The following CCL23 variants were observed in gnomAD, a reference collection of about 807,000 sequenced individuals.
CCL23 encodes the protein C-C motif chemokine ligand 23.
A neutral mutation model predicts 11.8 loss-of-function variants in CCL23; 10 were observed. The ratio of observed to expected loss-of-function variants is 0.84; its 90% CI spans 0.52 to 1.43. The LOEUF (loss-of-function observed/expected upper bound fraction) is 1.43. Ranked by LOEUF, CCL23 falls within the 40% of genes most tolerant of loss-of-function variation. CCL23 has a pLI of 0.00. For synonymous variants in CCL23, 60 were observed against 61.0 expected, an observed-to-expected ratio of 0.98 and a Z score of 0.07; for missense variants, 181 against 170.9, an observed-to-expected ratio of 1.06 and a Z score of -0.33.
chr17:36,015,856 T>G (rs978931887), intron 1 of CCL23, among the ~76,000 whole-genome samples: 3 of 151,564 alleles, frequency 2.0e-5, no homozygotes, highest in Admixed American at 2.0e-4. Context: ...GGCCAACATG[T>G]TGAAATCCCG....
chr17:36,013,734 TGGCACCTACATGACACCC>T lies in CCL23; in HGVS notation c.294_302+9del. The T allele has an allele frequency of 1.2e-6, 2 of 1,613,952 alleles. No homozygotes were observed. The highest frequency in any genetic ancestry group is 1.7e-6 in the Non-Finnish European group (2 of 1,179,926). ...TCCCTCAACACATGTTTGGTGAGCT[TGGCACCTACATGACACCC>T]GGCTTGGAGCACTCGCTGTTCGTTT... On this transcript the variant is annotated splice_donor_variant and splice_donor_5th_base_variant and coding_sequence_variant and intron_variant, in exon 3 of 4. Transcript: ENST00000615050. LOFTEE classifies it high-confidence loss of function.
chr17:36,014,182 CCCATAGCCCG>C lies in CCL23; in HGVS notation c.136+142_136+151del. ...AGAGAAGGCATCTATGGAGGGGGTT[CCCATAGCCCG>C]TCCTGATCTTCCTTGGAGATGTTCA... On this transcript the variant is annotated intron_variant, in intron 2 of 3. Transcript: ENST00000615050. 25 of 473,770 alleles carry C rather than the reference CCCATAGCCCG, an allele frequency of 5.3e-5. 1 individual carries two copies. Among genetic ancestry groups the C allele is most frequent in the South Asian group, 1.4e-4 (5 of 36,774 alleles). 29.3% of individuals were successfully genotyped at this position (473,770 alleles called of 1,614,324 possible).
rs768484405 is a variant in CCL23 at position 36,013,289 on chromosome 17, G to A, written c.322C>T (p.Arg108Ter). 32 of 1,612,762 alleles carry A rather than the reference G, an allele frequency of 2.0e-5. No homozygotes were observed. Among genetic ancestry groups the A allele is most frequent in the South Asian group, 9.9e-5 (9 of 91,024 alleles). ...PGVIFLTKKG[R>*]RFCANPSDKQ... ...TCACTGGGGTTGGCACAGAAACGTC[G>A]CCCCTTCTTGGTGAGGAAGCTAGGG... Residue 108 changes from arginine to a stop codon, truncating the protein, a stop_gained, in exon 4 of 4, where the codon CGA becomes TGA. Coordinates refer to ENST00000615050, the MANE Select transcript of CCL23 (RefSeq NM_005064.6). LOFTEE classifies it low-confidence loss of function (END_TRUNC).
At chr17:36,013,619 A>AGCT in intron 3 of CCL23, 125 bp downstream of exon 3, 1 of 878,256 alleles carries the variant, frequency 1.1e-6, no homozygotes, top group Middle Eastern at 3.4e-4. Flanking sequence ...CTAAGGACAC[A>AGCT]GCTGCCCCAT....
At chr17:36,015,484 C>A (rs780059212) in intron 1 of CCL23, among the ~76,000 whole-genome samples, 3 of 152,116 alleles carry the variant, frequency 2.0e-5, no homozygotes, top group Non-Finnish European at 4.4e-5. Context: ...AAAATCAATT[C>A]ATGTACCTGC....
rs371021124 is a variant in CCL23, at chr17:36,013,123, A to G, written c.*74T>C. On this transcript the variant is annotated 3_prime_UTR_variant, in exon 4 of 4. Coordinates refer to ENST00000615050, the MANE Select transcript of CCL23 (RefSeq NM_005064.6). ...GAACACAAGAATAAATGCTTCTTAA[A>G]AAAATAATTCAGGAAGGTAGTTGAG... is the stretch of plus-strand genomic sequence containing the variant. 1.4e-5 allele frequency: 12 copies of G among 839,974 alleles called. No homozygotes were observed. The highest frequency in any genetic ancestry group is 8.2e-5 in the African/African-American group (5 of 60,812). 52.0% of individuals were successfully genotyped at this position (839,974 alleles called of 1,614,324 possible).
Position 36,014,397 on chromosome 17 carries a change from G to T in CCL23, c.77-4C>A. 6.2e-7 allele frequency: 1 copy of T among 1,610,104 alleles called. No individual in the cohort carries two copies. The stretch of plus-strand genomic sequence containing the variant: ...ATCATGAACTCTGTCTCTGCATCTG[G>T]AAGAAGCAGACAGGACAGGGAAGGA... On this transcript the variant is annotated splice_region_variant and splice_polypyrimidine_tract_variant and intron_variant, in intron 1 of 3. Coordinates refer to ENST00000615050, the MANE Select transcript of CCL23 (RefSeq NM_005064.6).
At chr17:36,015,885 A>AG (rs1294375096) in intron 1 of CCL23, among the ~76,000 whole-genome samples, 30 of 151,454 alleles carry the variant, frequency 2.0e-4, no homozygotes, top group African/African-American at 7.3e-4. Context: ...AAAAAAAAAA[A>AG]ATACAAAAAT....
At chr17:36,016,491 A>G (rs1042256735) in intron 1 of CCL23, among the ~76,000 whole-genome samples, 2 of 152,168 alleles carry the variant, frequency 1.3e-5, no homozygotes, top group African/African-American at 2.4e-5. Context: ...TGTCCCTGCA[A>G]AGGACATGAA....
Position 36,013,773 on chromosome 17 carries a change from C to A in CCL23, c.273G>T (p.Thr91=). ...PCSLLESYFE[T]NSECSKPGVI... is the part of the protein sequence containing the mutation. ...CACCCGGCTTGGAGCACTCGCTGTT[C>A]GTTTCAAAGTAACTCTCCAGGAGTG... The change falls in exon 3 of 4, where the codon ACG becomes ACT. Residue 91 remains threonine (T), a synonymous_variant. Coordinates refer to ENST00000615050, the MANE Select transcript of CCL23 (RefSeq NM_005064.6). The A allele has an allele frequency of 6.2e-7, 1 of 1,614,144 alleles. No homozygotes were observed. The highest frequency in any genetic ancestry group is 2.2e-5 in the East Asian group (1 of 44,876).
At chr17:36,016,754 A>G (rs2090101159) in intron 1 of CCL23, among the ~76,000 whole-genome samples, 1 of 149,524 alleles carries the variant, frequency 6.7e-6, no homozygotes, top group Non-Finnish European at 1.5e-5. Flanking sequence ...TAATAAGGAT[A>G]TTAAATATAC....
intron 1 of CCL23, 22 bp downstream of exon 1, chr17:36,017,800 A>C (rs1426249901): frequency 6.2e-7 from 1 of 1,611,652 alleles, no homozygotes; most frequent in Admixed American, 1.7e-5. Context: ...TGGTCATCTG[A>C]GAGAAAGCTC....
chr17:36,013,570 C>T, intron 3 of CCL23, 174 bp downstream of exon 3: 1 of 654,160 alleles, frequency 1.5e-6, no homozygotes, highest in Admixed American at 2.7e-5. Flanking sequence ...CCCTTTTCCC[C>T]CTGGGAGTGT....
Position 36,013,868 on chromosome 17 carries a change from G to T in CCL23, c.178C>A (p.His60Asn), listed in dbSNP as rs760774067. The T allele has an allele frequency of 6.2e-7, 1 of 1,614,206 alleles. No homozygotes were observed. Among genetic ancestry groups the T allele is most frequent in the South Asian group, 1.1e-5 (1 of 91,082 alleles). ...CTAGTAGCATGGAATCCTGCAGCAT[G>T]AGAAAGGGTCATCTGAGGACCAATC... is the stretch of plus-strand genomic sequence containing the variant. Reference protein sequence around the residue: ...RKIGPQMTLSHAAGFHATSAD... With the variant: ...RKIGPQMTLSNAAGFHATSAD... Residue 60 changes from histidine to asparagine, a missense_variant, in exon 3 of 4, where the codon CAT becomes AAT. His to Asn is a moderately conservative substitution (Grantham distance 68). Coordinates refer to ENST00000615050, the MANE Select transcript of CCL23 (RefSeq NM_005064.6).
rs1451364818 is a variant in CCL23 at position 36,014,356 on chromosome 17, C to G, written c.114G>C (p.Leu38Phe). The G allele has an allele frequency of 1.2e-6, 2 of 1,613,468 alleles. No homozygotes were observed. The highest frequency in any genetic ancestry group is 2.7e-5 in the African/African-American group (2 of 74,908). Residue 38 changes from leucine to phenylalanine, a missense_variant, in exon 2 of 4, where the codon TTG (leucine) becomes TTC (phenylalanine). Transcript: ENST00000615050. The part of the protein sequence containing the change: ...ETEFMMSKLP[L>F]ENPVLLDMLW... ...TACTGTCCAGAAGTACTGGATTTTC[C>G]AATGGAAGCTTTGACATCATGAACT...
rs1284592916 is a variant in CCL23, at chr17:36,016,905, C to T, written c.76+917G>A. 4.0e-5 allele frequency among the ~76,000 whole-genome samples: 6 copies of T among 151,822 alleles called. No homozygotes were observed. The East Asian group carries it at 1.2e-3, about 29-fold the overall frequency. The stretch of plus-strand genomic sequence containing the variant: ...TAAAGACTTGGCAATAACGATTCAG[C>T]TGCCGAATTAGTCCCCCAATTGCTT... On this transcript the variant is annotated intron_variant, in intron 1 of 3. Coordinates refer to ENST00000615050, the MANE Select transcript of CCL23 (RefSeq NM_005064.6).
chr17:36,016,651 TTAATA>T (rs959453434), intron 1 of CCL23, among the ~76,000 whole-genome samples: 13 of 151,388 alleles, frequency 8.6e-5, no homozygotes, highest in African/African-American at 3.1e-4. Flanking sequence ...CATGTGTCTT[TTAATA>T]TAATATATGT....
chr17:36,013,303 A>C lies in CCL23; in HGVS notation c.308T>G (p.Leu103Arg). The change falls in exon 4 of 4, where the codon CTC (leucine) becomes CGC (arginine). Residue 103 changes from leucine (L) to arginine (R), a missense_variant. Transcript: ENST00000615050. Reference sequence around the variant, plus strand: ...ACAGAAACGTCGCCCCTTCTTGGTGAGGAAGCTAGGGAACAAGGGGGAGAA... The same window carrying C: ...ACAGAAACGTCGCCCCTTCTTGGTGCGGAAGCTAGGGAACAAGGGGGAGAA... Reference protein sequence around the residue: ...SECSKPGVIFLTKKGRRFCAN... With the variant: ...SECSKPGVIFRTKKGRRFCAN... The C allele has an allele frequency of 6.2e-7, 1 of 1,609,236 alleles. No homozygotes were observed. The highest frequency in any genetic ancestry group is 8.5e-7 in the Non-Finnish European group (1 of 1,175,724).
At chr17:36,017,744 A>G in intron 1 of CCL23, 78 bp downstream of exon 1, 2 of 1,302,970 alleles carry the variant, frequency 1.5e-6, no homozygotes, top group Non-Finnish European at 2.2e-6. Context: ...GAGTAGTTAC[A>G]GGAGGGCAAT....
Sources: allele counts gnomAD v4.1 joint callset (sites outside exome capture counted in the v4.1 genomes callset), GRCh38; gene constraint gnomAD v4.1.1; transcripts MANE v1.5; gene names NCBI Gene and HGNC (gene_info 2026-07-23, HGNC 2026-07-21).